DNAH10: variants seen among roughly 807,000 people sequenced by gnomAD.
DNAH10 encodes the protein dynein axonemal heavy chain 10, also known as axonemal beta dynein heavy chain 10.
DNAH10 carries 348 observed loss-of-function variants against 506.6 expected under a neutral mutation model. The ratio of observed to expected loss-of-function variants is 0.69; its 90% CI spans 0.63 to 0.75. The LOEUF (loss-of-function observed/expected upper bound fraction) is 0.75. Among genes scored for constraint, DNAH10 ranks in the 30% least tolerant of loss-of-function variants. The pLI, the probability that DNAH10 is intolerant of heterozygous loss-of-function variation, is 0.00. For synonymous variants in DNAH10, 2,059 were observed against 2,198.6 expected (o/e 0.94, Z 1.78); for missense variants, 5,179 against 5,787.1 (o/e 0.89, Z 3.41).
In DNAH10 at chr12:123,925,324, G is replaced by A; in HGVS notation, c.11921+120G>A. 2 of 1,314,306 alleles carry A rather than the reference G, an allele frequency of 1.5e-6. No homozygotes were observed. Among genetic ancestry groups the A allele is most frequent in the Admixed American group, 2.1e-5 (1 of 48,324 alleles). 81.4% of individuals were successfully genotyped at this position (1,314,306 alleles called of 1,614,324 possible). On this transcript the variant is annotated intron_variant, in intron 68 of 78. Transcript: ENST00000673944. The surrounding 1 kb of genome is among the most constrained non-coding windows in gnomAD (Gnocchi z 4.0). The stretch of plus-strand genomic sequence containing the variant: ...CTCCCGAGACAGCTGTCGCCACCCT[G>A]CTGTACAATATTCGATAGCCGATAT...
chr12:123,793,439 C>T (rs1958159135), intron 11 of DNAH10, among the ~76,000 whole-genome samples: 1 of 151,096 alleles, frequency 6.6e-6, no homozygotes, highest in South Asian at 2.1e-4. Context: ...CCTGGGTTCA[C>T]ACCGTTCTCC....
chr12:123,794,707 G>A (rs1305840733), intron 12 of DNAH10, among the ~76,000 whole-genome samples: 10 of 151,942 alleles, frequency 6.6e-5, no homozygotes, highest in African/African-American at 2.4e-4. Flanking sequence ...TTATCCTGGT[G>A]TGGTGGCGCA....
intron 5 of DNAH10, among the ~76,000 whole-genome samples, chr12:123,776,894 T>C (rs1957461379): frequency 6.6e-6 from 1 of 151,698 alleles, no homozygotes; most frequent in African/African-American, 2.4e-5. Flanking sequence ...TTAACCAAGA[T>C]CAATGAGAAA....
rs2137347307 is a variant in DNAH10, at chr12:123,907,208, A to C, written c.9816-2053A>C. Among the ~76,000 whole-genome samples the C allele has an allele frequency of 6.6e-6, 1 of 152,322 alleles. No homozygotes were observed. The highest frequency in any genetic ancestry group is 1.9e-4 in the East Asian group (1 of 5,184). ...GACAGTGGATGTTGGGACCTGACCTAGTCATGGTCATGGAGGGCGGAGGGG... is the reference window on the plus strand; with the variant it reads ...GACAGTGGATGTTGGGACCTGACCTCGTCATGGTCATGGAGGGCGGAGGGG... On this transcript the variant is annotated intron_variant, in intron 57 of 78. Transcript: ENST00000673944. The surrounding 1 kb of genome is among the most constrained non-coding windows in gnomAD (Gnocchi z 4.4).
At chr12:123,869,098 C>T (rs778539897) in intron 43 of DNAH10, among the ~76,000 whole-genome samples, 17 of 152,310 alleles carry the variant, frequency 1.1e-4, no homozygotes, top group Admixed American at 5.9e-4. Context: ...TGCAGGCCCT[C>T]GAGCATACGC....
rs777265783 is a variant in DNAH10 at position 123,918,704 on chromosome 12, A to T, written c.11261A>T (p.Lys3754Met). The T allele has an allele frequency of 1.1e-5, 17 of 1,571,140 alleles. No homozygotes were observed. The highest frequency in any genetic ancestry group is 1.5e-5 in the Non-Finnish European group (17 of 1,154,818). ...EVSEKLKLAE[K>M]TALDIDRLRD... ...TCAGAGAAACTCAAGCTGGCGGAGA[A>T]GACAGCCTTGGACATCGACAGGCTG... The change falls in exon 65 of 79, where the codon AAG becomes ATG. Residue 3754 changes from lysine to methionine, a missense_variant. This residue lies in a region of DNAH10 where 4,844 missense variants were observed against 5,430.5 expected (regional missense o/e 0.89). Coordinates refer to ENST00000673944, the MANE Select transcript of DNAH10 (RefSeq NM_001372106.1).
intron 51 of DNAH10, among the ~76,000 whole-genome samples, chr12:123,886,674 C>A (rs1054650636): frequency 4.6e-5 from 7 of 152,128 alleles, no homozygotes; most frequent in African/African-American, 1.7e-4. Flanking sequence ...TCCTGGAAAT[C>A]TGCCATGTTT....
In DNAH10 at chr12:123,838,517, T is replaced by C. The variant is rs978675681; in HGVS notation, c.4964T>C (p.Leu1655Pro). The C allele has an allele frequency of 6.2e-7, 1 of 1,613,872 alleles. No individual in the cohort carries two copies. The highest frequency in any genetic ancestry group is 1.3e-5 in the African/African-American group (1 of 74,912). Residue 1655 changes from leucine (L) to proline (P), a missense_variant, in exon 29 of 79, where the codon CTC becomes CCC. Physicochemically the swap from Leu to Pro is moderately conservative, Grantham distance 98. This residue lies in a region of DNAH10 where 4,844 missense variants were observed against 5,430.5 expected (regional missense o/e 0.89). Transcript: ENST00000673944. The stretch of plus-strand genomic sequence containing the variant: ...AGGTGCTGTGAAGCCCCAAACCGCC[T>C]CAGTGACCTACAGAACGTCAGCGAG... Reference protein sequence around the residue: ...IKRCCEAPNRLSDLQNVSEGL... With the variant: ...IKRCCEAPNRPSDLQNVSEGL...
Position 123,914,194 on chromosome 12 carries a change from G to A in DNAH10, c.10353-135G>A, listed in dbSNP as rs898535522. 7.5e-6 allele frequency: 6 copies of A among 801,792 alleles called. No homozygotes were observed. In the African/African-American group the frequency reaches 1.0e-4, roughly 14 times the overall value. 49.7% of individuals were successfully genotyped at this position (801,792 alleles called of 1,614,324 possible). ...AGCTGTTGGTCTCTGTTCCTCACAA[G>A]GAAAGAATATCTCAAAACATGTTTC... On this transcript the variant is annotated intron_variant, in intron 60 of 78. Coordinates refer to ENST00000673944, the MANE Select transcript of DNAH10 (RefSeq NM_001372106.1).
chr12:123,783,274 G>T lies in DNAH10; in HGVS notation c.999+10G>T, dbSNP rs1489350140. 1.2e-6 allele frequency: 2 copies of T among 1,613,174 alleles called. No homozygotes were observed. Among genetic ancestry groups the T allele is most frequent in the African/African-American group, 2.7e-5 (2 of 74,910 alleles). On this transcript the variant is annotated intron_variant, in intron 7 of 78. Coordinates refer to ENST00000673944, the MANE Select transcript of DNAH10 (RefSeq NM_001372106.1). ...GAAGAAGACACCTCAGGTAGTTTGT[G>T]CAGGGCTTTCAGAGAGCCCCGATCC...
intron 51 of DNAH10, among the ~76,000 whole-genome samples, chr12:123,883,304 G>A (rs148744619): frequency 9.8e-5 from 15 of 152,302 alleles, no homozygotes; most frequent in African/African-American, 2.9e-4. Context: ...TGGCTGCACC[G>A]TTTTCCATTC....
chr12:123,820,519 T>C, intron 23 of DNAH10, 61 bp from the exon 24 acceptor site: 1 of 1,499,974 alleles, frequency 6.7e-7, no homozygotes, highest in Non-Finnish European at 9.1e-7. Flanking sequence ...CATGATTTCT[T>C]ATTCAATTTT....
At position 123,928,639 on chromosome 12, in the gene DNAH10, C is replaced by A; in HGVS notation, c.12306+52C>A. On this transcript the variant is annotated intron_variant, in intron 70 of 78. Transcript: ENST00000673944. This position sits in a 1 kb window ranked among gnomAD's most constrained non-coding sequence, Gnocchi z 4.9. ...TGCCAGCACGCAGCTTCTCAGAACA[C>A]CTGCATGCTGCTCTGGGGCCGGGGT... is the stretch of plus-strand genomic sequence containing the variant. 1.3e-6 allele frequency: 2 copies of A among 1,529,068 alleles called. No homozygotes were observed. Among genetic ancestry groups the A allele is most frequent in the Non-Finnish European group, 1.8e-6 (2 of 1,131,696 alleles). 94.7% of individuals were successfully genotyped at this position (1,529,068 alleles called of 1,614,324 possible). A position where few individuals can be genotyped will look rare whatever the true frequency, so the allele number is the denominator to read the frequency against.
intron 17 of DNAH10, among the ~76,000 whole-genome samples, chr12:123,804,614 A>C (rs1958593299): frequency 6.6e-6 from 1 of 152,144 alleles, no homozygotes; most frequent in Non-Finnish European, 1.5e-5. Flanking sequence ...AAGAAAAACA[A>C]GATTGCCCAA....
intron 10 of DNAH10, 92 bp from the exon 11 acceptor site, chr12:123,789,835 C>T: frequency 8.4e-7 from 1 of 1,196,522 alleles, no homozygotes; most frequent in Non-Finnish European, 1.2e-6. Context: ...TTCTTGCCCC[C>T]AGGTCAGTCT....
intron 35 of DNAH10, 79 bp downstream of exon 35, chr12:123,851,155 G>T (rs367549996): frequency 7.0e-7 from 1 of 1,434,468 alleles, no homozygotes; most frequent in Admixed American, 2.4e-5. Context: ...CCTAGGACGC[G>T]TTAGCTCCGT....
At chr12:123,801,169 T>A (rs1202382132) in intron 15 of DNAH10, 112 bp from the exon 16 acceptor site, 2 of 1,145,464 alleles carry the variant, frequency 1.7e-6, no homozygotes. Flanking sequence ...AATCTCTTGA[T>A]CAAGGTTGGT....
intron 51 of DNAH10, among the ~76,000 whole-genome samples, chr12:123,883,766 T>A (rs1232106579): frequency 6.6e-6 from 1 of 152,182 alleles, no homozygotes; most frequent in African/African-American, 2.4e-5. Context: ...ATTGTTGCAA[T>A]GAGGATTATT....
At chr12:123,847,827 C>G in intron 32 of DNAH10, 134 bp from the exon 33 acceptor site, 5 of 1,233,666 alleles carry the variant, frequency 4.1e-6, no homozygotes, top group Non-Finnish European at 3.3e-6. Context: ...GTGGCCCAGT[C>G]AAGTTGACAC....
Sources: allele counts gnomAD v4.1 joint callset (sites outside exome capture counted in the v4.1 genomes callset), GRCh38; gene constraint gnomAD v4.1.1; regional missense constraint gnomAD v4.1.1; non-coding constraint Gnocchi (gnomAD v3.1); transcripts MANE v1.5; gene names NCBI Gene and HGNC (gene_info 2026-07-23, HGNC 2026-07-21).